The following CPE variants were observed in gnomAD, a reference collection of about 807,000 sequenced individuals.
CPE encodes the protein carboxypeptidase E.
A neutral mutation model predicts 53.5 loss-of-function variants in CPE; 17 were observed. The ratio of observed to expected loss-of-function variants is 0.32; its 90% CI spans 0.22 to 0.48. The LOEUF is 0.48. Among genes scored for constraint, CPE ranks in the 20% least tolerant of loss-of-function variants. CPE has a pLI of 0.99. For synonymous variants in CPE, 226 were observed against 228.8 expected (o/e 0.99, Z 0.11); for missense variants, 524 against 614.7 (o/e 0.85, Z 1.56).
At chr4:165,444,068 G>A (rs564209300) in intron 1 of CPE, among the ~76,000 whole-genome samples, 4 of 152,232 alleles carry the variant, frequency 2.6e-5, no homozygotes, top group South Asian at 4.1e-4. Context: ...TATCAGTTAC[G>A]CAGTTTATGG....
At chr4:165,484,678 T>C (rs1732474784) in intron 5 of CPE, 74 bp downstream of exon 5, 2 of 1,322,576 alleles carry the variant, frequency 1.5e-6, no homozygotes, top group African/African-American at 1.5e-5. Flanking sequence ...TAGAGAGTGA[T>C]TTAGATTTAG....
chr4:165,422,578 G>C (rs1291588970), intron 1 of CPE, among the ~76,000 whole-genome samples: 2 of 152,168 alleles, frequency 1.3e-5, no homozygotes, highest in African/African-American at 2.4e-5. Context: ...GGATGTACCT[G>C]TGACACAGCC....
At chr4:165,399,535 C>A (rs1730833100) in intron 1 of CPE, among the ~76,000 whole-genome samples, 1 of 152,122 alleles carries the variant, frequency 6.6e-6, no homozygotes, top group Non-Finnish European at 1.5e-5. Flanking sequence ...ACACACCCAG[C>A]TAATTTTTGT....
chr4:165,497,669 G>A lies in CPE; in HGVS notation c.*59G>A. ...ATATAATGTAGTATGATGTAATGTG[G>A]TCTTTTTTTTAGATTTTGTGCAGTT... On this transcript the variant is annotated 3_prime_UTR_variant, in exon 9 of 9. Coordinates refer to ENST00000402744, the MANE Select transcript of CPE (RefSeq NM_001873.4). 1.1e-6 allele frequency: 1 copy of A among 935,246 alleles called. No homozygotes were observed. The highest frequency in any genetic ancestry group is 1.5e-6 in the Non-Finnish European group (1 of 671,910). 57.9% of individuals were successfully genotyped at this position (935,246 alleles called of 1,614,324 possible).
chr4:165,453,336 C>T (rs867721513), intron 1 of CPE, among the ~76,000 whole-genome samples: 3 of 141,040 alleles, frequency 2.1e-5, no homozygotes, highest in African/African-American at 5.4e-5. Context: ...TCCTTCTTTC[C>T]TTCCTTCCTT....
intron 7 of CPE, among the ~76,000 whole-genome samples, chr4:165,493,563 C>A (rs1732647589): frequency 1.3e-5 from 2 of 152,152 alleles, no homozygotes; most frequent in Admixed American, 6.6e-5. Context: ...CTTCGCGGTT[C>A]TTCAGGCAAA....
chr4:165,412,032 C>T (rs556894656), intron 1 of CPE, among the ~76,000 whole-genome samples: 3 of 152,266 alleles, frequency 2.0e-5, no homozygotes, highest in Admixed American at 6.5e-5. Context: ...GTGTCAACAA[C>T]TTGTACACTG....
chr4:165,434,617 C>T (rs151191973), intron 1 of CPE, among the ~76,000 whole-genome samples: 3 of 152,200 alleles, frequency 2.0e-5, no homozygotes, highest in South Asian at 4.2e-4. Flanking sequence ...TAATATGGCA[C>T]CTGGCACATT....
chr4:165,488,088 T>C (rs1732539648), intron 6 of CPE, among the ~76,000 whole-genome samples: 2 of 152,212 alleles, frequency 1.3e-5, no homozygotes, highest in African/African-American at 4.8e-5. Flanking sequence ...TGAGTTATGT[T>C]TGTCATTTAC....
chr4:165,411,478 G>A (rs1319620412), intron 1 of CPE, among the ~76,000 whole-genome samples: 2 of 152,110 alleles, frequency 1.3e-5, no homozygotes, highest in Non-Finnish European at 2.9e-5. Flanking sequence ...TGGTAAATCA[G>A]TGTCATACCA....
intron 2 of CPE, among the ~76,000 whole-genome samples, chr4:165,467,442 T>C (rs899037968): frequency 6.6e-6 from 1 of 152,238 alleles, no homozygotes; most frequent in African/African-American, 2.4e-5. Context: ...TATAGTCTTA[T>C]GGGATCACTG....
intron 1 of CPE, among the ~76,000 whole-genome samples, chr4:165,437,887 CAG>C (rs1560882099): frequency 6.6e-6 from 1 of 152,070 alleles, no homozygotes; most frequent in Admixed American, 6.6e-5. Context: ...GGAGAGGAGA[CAG>C]AGCATGGTGT....
chr4:165,407,374 A>G (rs1475066769), intron 1 of CPE, among the ~76,000 whole-genome samples: 1 of 151,238 alleles, frequency 6.6e-6, no homozygotes, highest in South Asian at 2.1e-4. Context: ...CTTATTGACC[A>G]TATGTATATC....
At chr4:165,415,155 T>G (rs1731101730) in intron 1 of CPE, 1 of 153,562 alleles carries the variant, frequency 6.5e-6, no homozygotes, top group Non-Finnish European at 1.6e-5. Flanking sequence ...ACTGACCTTC[T>G]GATTGGTGGA....
intron 1 of CPE, among the ~76,000 whole-genome samples, chr4:165,389,676 G>A (rs1730649275): frequency 1.3e-5 from 2 of 152,058 alleles, no homozygotes; most frequent in South Asian, 2.1e-4. Flanking sequence ...GTGACTTAAC[G>A]GCCATTTATA....
Position 165,441,052 on chromosome 4 carries a change from A to G in CPE, c.308-23338A>G, listed in dbSNP as rs188204644. Among the ~76,000 whole-genome samples the G allele has an allele frequency of 7.2e-5, 11 of 152,296 alleles. No homozygotes were observed. The East Asian group carries it at 2.1e-3, about 29-fold the overall frequency. On this transcript the variant is annotated intron_variant, in intron 1 of 8. Coordinates refer to ENST00000402744, the MANE Select transcript of CPE (RefSeq NM_001873.4). ...AAGGGAGGCAAAGTCGGAGACGTGCAGGTGCTGAGTTAGATCTTGACTGCA... is the reference window on the plus strand; with the variant it reads ...AAGGGAGGCAAAGTCGGAGACGTGCGGGTGCTGAGTTAGATCTTGACTGCA...
intron 1 of CPE, among the ~76,000 whole-genome samples, chr4:165,432,345 G>A (rs1731426864): frequency 6.6e-6 from 1 of 152,156 alleles, no homozygotes; most frequent in Non-Finnish European, 1.5e-5. Flanking sequence ...GCCCAGGCTG[G>A]AGTGCAGTGG....
intron 1 of CPE, among the ~76,000 whole-genome samples, chr4:165,430,945 C>T (rs1333376777): frequency 1.3e-5 from 2 of 152,194 alleles, no homozygotes; most frequent in African/African-American, 4.8e-5. Context: ...GCTCTGACCT[C>T]GGTGGTTGCT....
At chr4:165,429,717 A>G (rs17440198) in intron 1 of CPE, among the ~76,000 whole-genome samples, 44,414 of 151,252 alleles carry the variant, frequency 0.29, 6,609 homozygotes, top group Middle Eastern at 0.39. Flanking sequence ...AAAAAAAGTT[A>G]CTAAGCTTCT....
Sources: gnomAD v4.1 joint callset for allele counts (sites outside exome capture counted in the v4.1 genomes callset) on GRCh38, gnomAD v4.1.1 for gene constraint, MANE v1.5 for transcripts, NCBI Gene and HGNC (gene_info 2026-07-23, HGNC 2026-07-21) for gene names.